The following SLC8A1 variants were observed in gnomAD, a reference collection of about 807,000 sequenced individuals.
SLC8A1 encodes the protein sodium/calcium exchanger 1.
Under a neutral mutation model 68.3 loss-of-function variants are expected in SLC8A1, and 18 were observed. The ratio of observed to expected loss-of-function variants is 0.26; its 90% CI spans 0.18 to 0.39. SLC8A1 has a LOEUF of 0.39. Among genes scored for constraint, SLC8A1 ranks in the 10% least tolerant of loss-of-function variants. The pLI is 1.00. For missense variants in SLC8A1, 985 were observed against 1,156.7 expected (o/e 0.85, Z 2.15); for synonymous variants, 475 against 415.5 (o/e 1.14, Z -1.74).
intron 2 of SLC8A1, among the ~76,000 whole-genome samples, chr2:40,299,287 G>C (rs546615153): frequency 6.6e-6 from 1 of 152,106 alleles, no homozygotes; most frequent in Admixed American, 6.5e-5. Context: ...TATCCATAAA[G>C]GGAGTTGATT....
intron 1 of SLC8A1, among the ~76,000 whole-genome samples, chr2:40,490,634 T>C (rs1301331126): frequency 6.6e-6 from 1 of 152,064 alleles, no homozygotes; most frequent in African/African-American, 2.4e-5. Flanking sequence ...AGATGATTTG[T>C]GGGGATGGGT....
intron 7 of SLC8A1, among the ~76,000 whole-genome samples, chr2:40,121,727 C>T: frequency 6.6e-6 from 1 of 152,108 alleles, no homozygotes; most frequent in East Asian, 1.9e-4. Context: ...TTTTATAATA[C>T]AACAGAGCCA....
chr2:40,156,205 A>G (rs1003169208), intron 6 of SLC8A1, among the ~76,000 whole-genome samples: 4 of 152,226 alleles, frequency 2.6e-5, no homozygotes, highest in African/African-American at 9.6e-5. Context: ...TATAATGGCC[A>G]TCGACAGAGC....
At chr2:40,468,243 A>T (rs955550158) in intron 1 of SLC8A1, among the ~76,000 whole-genome samples, 2 of 152,170 alleles carry the variant, frequency 1.3e-5, no homozygotes, top group East Asian at 1.9e-4. Context: ...TGGAAAAATA[A>T]TTTTGAGATA....
intron 7 of SLC8A1, among the ~76,000 whole-genome samples, chr2:40,133,470 T>A (rs1242115587): frequency 6.6e-6 from 1 of 152,056 alleles, no homozygotes; most frequent in African/African-American, 2.4e-5. Context: ...AAATAATTCA[T>A]GTTTGACAGA....
At chr2:40,486,136 T>G (rs1454232560) in intron 1 of SLC8A1, among the ~76,000 whole-genome samples, 2 of 152,188 alleles carry the variant, frequency 1.3e-5, no homozygotes, top group Non-Finnish European at 2.9e-5. Flanking sequence ...CCCCCTTTGC[T>G]CAGCAGTTCT....
At chr2:40,239,238 CTT>C in intron 2 of SLC8A1, among the ~76,000 whole-genome samples, 1 of 152,064 alleles carries the variant, frequency 6.6e-6, no homozygotes. Flanking sequence ...CCAATTCTAG[CTT>C]TTTAGTGTCT....
chr2:40,144,863 T>C (rs1427391190), intron 6 of SLC8A1, among the ~76,000 whole-genome samples: 2 of 152,136 alleles, frequency 1.3e-5, no homozygotes, highest in Non-Finnish European at 2.9e-5. Context: ...ATTTAGATAG[T>C]AAAATTATTA....
At chr2:40,380,276 C>G (rs1420230750) in intron 2 of SLC8A1, among the ~76,000 whole-genome samples, 1 of 152,156 alleles carries the variant, frequency 6.6e-6, no homozygotes, top group Non-Finnish European at 1.5e-5. Context: ...CATATATATG[C>G]CAAGCATGCA....
intron 1 of SLC8A1, among the ~76,000 whole-genome samples, chr2:40,478,684 T>G (rs963345803): frequency 6.6e-6 from 1 of 152,202 alleles, no homozygotes; most frequent in African/African-American, 2.4e-5. Flanking sequence ...AGTTTTTAAT[T>G]TGACTTTTAT....
intron 5 of SLC8A1, among the ~76,000 whole-genome samples, chr2:40,164,310 C>A (rs2148472241): frequency 6.6e-6 from 1 of 152,292 alleles, no homozygotes; most frequent in East Asian, 1.9e-4. Context: ...ACTGTAAACT[C>A]CGGTTGCAGG....
At chr2:40,414,710 C>A (rs890290070) in intron 2 of SLC8A1, among the ~76,000 whole-genome samples, 1 of 151,880 alleles carries the variant, frequency 6.6e-6, no homozygotes, top group South Asian at 2.1e-4. Flanking sequence ...TGTTTAAAAT[C>A]AATAAATATG....
intron 1 of SLC8A1, among the ~76,000 whole-genome samples, chr2:40,470,764 T>C (rs922578330): frequency 6.6e-6 from 1 of 152,040 alleles, no homozygotes; most frequent in African/African-American, 2.4e-5. Flanking sequence ...TTTACTTTCA[T>C]TAAGACTTAA....
chr2:40,389,433 C>A (rs572675515), intron 2 of SLC8A1, among the ~76,000 whole-genome samples: 1 of 152,048 alleles, frequency 6.6e-6, no homozygotes, highest in Admixed American at 6.6e-5. Flanking sequence ...TTTCCTCACT[C>A]TGAAAGATAA....
At chr2:40,299,750 G>A (rs889918970) in intron 2 of SLC8A1, among the ~76,000 whole-genome samples, 1 of 152,078 alleles carries the variant, frequency 6.6e-6, no homozygotes, top group Non-Finnish European at 1.5e-5. Context: ...AATGCAGTTC[G>A]GTGAAAGAGA....
At chr2:40,208,950 T>C (rs1014975423) in intron 2 of SLC8A1, 7 of 152,144 alleles carry the variant, frequency 4.6e-5, no homozygotes, top group Non-Finnish European at 1.0e-4. Flanking sequence ...ACATCATTCA[T>C]TTAGTAATTA....
intron 2 of SLC8A1, among the ~76,000 whole-genome samples, chr2:40,401,535 T>C (rs1576147596): frequency 9.2e-6 from 1 of 109,024 alleles, no homozygotes; most frequent in South Asian, 2.7e-4. Context: ...CCTTGCATAG[T>C]AAGGAAACTA....
chr2:40,238,381 G>C (rs912233253), intron 2 of SLC8A1, among the ~76,000 whole-genome samples: 3 of 152,168 alleles, frequency 2.0e-5, no homozygotes, highest in African/African-American at 7.2e-5. Context: ...GGTGCTGTCC[G>C]TCACCCCTTT....
At chr2:40,234,393 C>T (rs2060086755) in intron 2 of SLC8A1, among the ~76,000 whole-genome samples, 1 of 152,056 alleles carries the variant, frequency 6.6e-6, no homozygotes, top group African/African-American at 2.4e-5. Context: ...TGATTTGGCT[C>T]TCTGTTTGTC....
Sources: gnomAD v4.1 joint callset for allele counts (sites outside exome capture counted in the v4.1 genomes callset) on GRCh38, gnomAD v4.1.1 for gene constraint, MANE v1.5 for transcripts, NCBI Gene and HGNC (gene_info 2026-07-23, HGNC 2026-07-21) for gene names.